Variants in PKIA observed in about 807,000 individuals in gnomAD.
PKIA encodes the protein cAMP-dependent protein kinase inhibitor alpha.
In PKIA, 4 loss-of-function variants were observed where a neutral mutation model predicts 7.6. The observed-to-expected ratio is 0.52, with a 90% CI of 0.26 to 1.20. The LOEUF is 1.20. Among genes scored for constraint, PKIA ranks in the 50% most tolerant of loss-of-function variants. PKIA has a pLI of 0.13. For synonymous variants in PKIA, 21 were observed against 30.7 expected (o/e 0.68, Z 1.04); for missense variants, 73 against 86.2 (o/e 0.85, Z 0.61).
rs1220849097 is a variant in PKIA at position 78,604,081 on chromosome 8, T to G, written c.*2260T>G. 1 of 152,040 alleles carries G rather than the reference T, an allele frequency of 6.6e-6. No individual in the cohort carries two copies. The highest frequency in any genetic ancestry group is 6.6e-5 in the Admixed American group (1 of 15,224). The allele number at this position is 152,040 out of a possible 1,614,324, so 9.4% of individuals were successfully genotyped here. On this transcript the variant is annotated 3_prime_UTR_variant, in exon 4 of 4. Coordinates refer to ENST00000396418, the MANE Select transcript of PKIA (RefSeq NM_006823.4). ...ATACATTTTGCTTATTCATGGCATC[T>G]TTCAAATTTTATTTTAGTTTCCTTT...
chr8:78,592,221 T>C (rs1204111752), intron 2 of PKIA, among the ~76,000 whole-genome samples: 2 of 152,156 alleles, frequency 1.3e-5, no homozygotes, highest in African/African-American at 4.8e-5. Flanking sequence ...ATCTGGAGTA[T>C]ACAATATATA....
chr8:78,543,852 T>A (rs981543356), intron 1 of PKIA, among the ~76,000 whole-genome samples: 22 of 152,168 alleles, frequency 1.4e-4, no homozygotes, highest in African/African-American at 5.3e-4. Flanking sequence ...ATCCAGAGTA[T>A]ACTCCGTATC....
intron 2 of PKIA, among the ~76,000 whole-genome samples, chr8:78,576,105 AAATG>A (rs1468489113): frequency 6.6e-6 from 1 of 152,014 alleles, no homozygotes; most frequent in Non-Finnish European, 1.5e-5. Context: ...TATTTAACCT[AAATG>A]ACTTCTTTAA....
intron 1 of PKIA, among the ~76,000 whole-genome samples, chr8:78,550,897 G>A (rs1037648917): frequency 7.9e-5 from 12 of 151,934 alleles, no homozygotes; most frequent in Admixed American, 2.0e-4. Context: ...CCACTTATGC[G>A]TGAGAACATA....
At chr8:78,583,293 A>T (rs1807865148) in intron 2 of PKIA, among the ~76,000 whole-genome samples, 1 of 152,150 alleles carries the variant, frequency 6.6e-6, no homozygotes, top group Non-Finnish European at 1.5e-5. Context: ...TGAAGTGCAG[A>T]GAAATTAATA....
chr8:78,591,426 A>T (rs2130252803), intron 2 of PKIA: 1 of 152,720 alleles, frequency 6.5e-6, no homozygotes, highest in South Asian at 2.1e-4. Flanking sequence ...AGATCAGCAC[A>T]GATCATGAGT....
chr8:78,542,857 G>C (rs913531867), intron 1 of PKIA, among the ~76,000 whole-genome samples: 1 of 151,976 alleles, frequency 6.6e-6, no homozygotes, highest in Non-Finnish European at 1.5e-5. Context: ...TCTCCTTCCT[G>C]TCTCGTATCC....
At chr8:78,579,386 G>C (rs139374301) in intron 2 of PKIA, among the ~76,000 whole-genome samples, 59 of 152,068 alleles carry the variant, frequency 3.9e-4, no homozygotes, top group African/African-American at 1.3e-3. Context: ...CATGGCCTTA[G>C]TCAATGTTCC....
At chr8:78,523,889 T>G (rs537241229) in intron 1 of PKIA, among the ~76,000 whole-genome samples, 2 of 143,784 alleles carry the variant, frequency 1.4e-5, no homozygotes, top group African/African-American at 2.5e-5. Flanking sequence ...TATAAATATT[T>G]ATACATATTT....
chr8:78,540,782 A>G (rs2118410349), intron 1 of PKIA, among the ~76,000 whole-genome samples: 1 of 151,916 alleles, frequency 6.6e-6, no homozygotes, highest in Middle Eastern at 3.4e-3. Context: ...CAATGATTCC[A>G]TCTACAAAAA....
chr8:78,593,112 G>A (rs971885410), intron 2 of PKIA, among the ~76,000 whole-genome samples: 5 of 152,104 alleles, frequency 3.3e-5, no homozygotes, highest in Middle Eastern at 6.8e-3. Flanking sequence ...AATAGCACTC[G>A]TGCTTTTTTC....
intron 1 of PKIA, among the ~76,000 whole-genome samples, chr8:78,538,660 T>C (rs1362524681): frequency 1.3e-5 from 2 of 151,936 alleles, no homozygotes; most frequent in African/African-American, 2.4e-5. Context: ...TGGCAGCTCT[T>C]GGTGTGCGCT....
rs1428475204 is a variant in PKIA at position 78,540,904 on chromosome 8, G to A, written c.-157+24436G>A. ...AATCTATTAAAATAAAATTAATTTT[G>A]AATAGCACATTAACCAGATGTTTTG... On this transcript the variant is annotated intron_variant, in intron 1 of 3. Coordinates refer to ENST00000396418, the MANE Select transcript of PKIA (RefSeq NM_006823.4). Among the ~76,000 whole-genome samples, 4 of 151,778 alleles carry A rather than the reference G, an allele frequency of 2.6e-5. No individual in the cohort carries two copies. The East Asian group carries it at 7.7e-4, about 29-fold the overall frequency.
chr8:78,598,543 A>C lies in PKIA; in HGVS notation c.151+8A>C. The C allele has an allele frequency of 6.2e-7, 1 of 1,601,814 alleles. No individual in the cohort carries two copies. The highest frequency in any genetic ancestry group is 1.3e-5 in the African/African-American group (1 of 74,656). ...TTGATATCAACAAGACAGGTAAGTC[A>C]TCTGGCACACATTTCTCTATGAGCA... is the stretch of plus-strand genomic sequence containing the variant. On this transcript the variant is annotated splice_region_variant and intron_variant, in intron 3 of 3. Transcript: ENST00000396418.
intron 1 of PKIA, among the ~76,000 whole-genome samples, chr8:78,559,416 T>C (rs1195291998): frequency 1.3e-5 from 2 of 152,262 alleles, no homozygotes; most frequent in Middle Eastern, 3.4e-3. Flanking sequence ...AGCAGGGAGA[T>C]AGCACTAAGC....
chr8:78,587,292 A>G (rs1563590670), intron 2 of PKIA, among the ~76,000 whole-genome samples: 1 of 152,204 alleles, frequency 6.6e-6, no homozygotes, highest in Non-Finnish European at 1.5e-5. Context: ...TTTGGCAAGT[A>G]TTATATAACA....
At chr8:78,568,034 G>A (rs1249422415) in intron 1 of PKIA, among the ~76,000 whole-genome samples, 1 of 152,120 alleles carries the variant, frequency 6.6e-6, no homozygotes, top group East Asian at 1.9e-4. Flanking sequence ...CTTTACTGGG[G>A]AGTGGTATTA....
chr8:78,577,099 T>C (rs1208768661), intron 2 of PKIA, among the ~76,000 whole-genome samples: 2 of 151,956 alleles, frequency 1.3e-5, no homozygotes, highest in Non-Finnish European at 2.9e-5. Context: ...TCAAATACCA[T>C]ATGTTCTCAC....
chr8:78,519,966 C>G (rs1011665646), intron 1 of PKIA, among the ~76,000 whole-genome samples: 3 of 152,092 alleles, frequency 2.0e-5, no homozygotes, highest in Non-Finnish European at 2.9e-5. Context: ...TGTTTAAATT[C>G]CCATAGCACA....
Sources: gnomAD v4.1 joint callset for allele counts (sites outside exome capture counted in the v4.1 genomes callset) on GRCh38, gnomAD v4.1.1 for gene constraint, MANE v1.5 for transcripts, NCBI Gene and HGNC (gene_info 2026-07-23, HGNC 2026-07-21) for gene names.